Variants in THOC2 observed in about 807,000 individuals in gnomAD.
THOC2 encodes the protein THO complex 2.
Under a neutral mutation model 128.4 loss-of-function variants are expected in THOC2, and 10 were observed. That is an observed-to-expected ratio of 0.08 (90% confidence interval 0.05 to 0.13). The LOEUF is 0.13. THOC2 is among the 10% of genes least tolerant of loss of function. The pLI is 1.00. For synonymous variants in THOC2, 393 were observed against 396.9 expected (o/e 0.99, Z 0.12); for missense variants, 535 against 1,155.7 (o/e 0.46, Z 7.79).
At chrX:123,606,373 C>T (rs950306289) in intron 38 of THOC2, among the ~76,000 whole-genome samples, 3 of 110,674 alleles carry the variant, frequency 2.7e-5, no homozygotes, top group African/African-American at 9.9e-5. Flanking sequence ...GGGCGGTTCA[C>T]TTGAGGTCAG....
intron 5 of THOC2, among the ~76,000 whole-genome samples, chrX:123,697,341 G>A (rs2050486781): frequency 8.9e-6 from 1 of 111,962 alleles, no homozygotes; most frequent in Non-Finnish European, 1.9e-5. Flanking sequence ...TTTACTCTTT[G>A]CTTAACAGTT....
At chrX:123,668,123 AAGAT>A (rs1208928539) in intron 10 of THOC2, 32 bp downstream of exon 10, 1 of 1,005,924 alleles carries the variant, frequency 9.9e-7, no homozygotes, top group Non-Finnish European at 1.3e-6. Flanking sequence ...CAAAATCCAG[AAGAT>A]AGTGTTAATT....
At chrX:123,703,990 C>A (rs1304012321) in intron 3 of THOC2, among the ~76,000 whole-genome samples, 4 of 103,589 alleles carry the variant, frequency 3.9e-5, no homozygotes, top group East Asian at 3.1e-4. Context: ...TATTAAAATT[C>A]TTCAAGTAAA....
At chrX:123,603,349 TAGG>T (rs2046354428) in intron 38 of THOC2, 2 of 266,950 alleles carry the variant, frequency 7.5e-6, no homozygotes, top group Admixed American at 1.3e-4. Flanking sequence ...GTCAAAAGTA[TAGG>T]AGTTCACACA....
At chrX:123,715,497 A>T (rs2051366587) in intron 1 of THOC2, among the ~76,000 whole-genome samples, 1 of 110,925 alleles carries the variant, frequency 9.0e-6, no homozygotes. Flanking sequence ...AGAAAAAAAA[A>T]TCAGCCAGGT....
In THOC2 at chrX:123,614,122, A is replaced by G. The variant is rs1474623429; in HGVS notation, c.4379T>C (p.Leu1460Ser). The change falls in exon 34 of 39, where the codon TTG becomes TCG. Residue 1460 changes from leucine (L) to serine (S), a missense_variant. Leu to Ser is a moderately radical substitution (Grantham distance 145). Transcript: ENST00000245838. ...SKEREMDKKD[L>S]DKSRERSRER... ...TCTGGATCTTTCCCTTGACTTGTCC[A>G]AATCTTTCTTGTCCATTTCTCTCTC... 1 of 1,203,300 alleles carries G rather than the reference A, an allele frequency of 8.3e-7. No homozygotes were observed. The highest frequency in any genetic ancestry group is 1.1e-6 in the Non-Finnish European group (1 of 890,423).
intron 31 of THOC2, 31 bp from the exon 32 acceptor site, chrX:123,620,996 A>G: frequency 3.3e-6 from 4 of 1,196,969 alleles, no homozygotes; most frequent in Non-Finnish European, 4.5e-6. Context: ...AGTCAGAATA[A>G]GGTACATTTC....
At chrX:123,722,981 C>T (rs2051772229) in intron 1 of THOC2, among the ~76,000 whole-genome samples, 1 of 111,403 alleles carries the variant, frequency 9.0e-6, no homozygotes, top group Non-Finnish European at 1.9e-5. Context: ...GAGTTCAAGA[C>T]CAGCCTGCCC....
Position 123,639,064 on chromosome X carries a change from G to A in THOC2, c.1747-37C>T, listed in dbSNP as rs1314846444. On this transcript the variant is annotated intron_variant, in intron 16 of 38. Transcript: ENST00000245838. ...CAACAAACAATAGAAGGCATTAACTGATCAAAGGATTTCTACTGTGCCAAC... is the reference window on the plus strand; with the variant it reads ...CAACAAACAATAGAAGGCATTAACTAATCAAAGGATTTCTACTGTGCCAAC... The A allele has an allele frequency of 2.3e-5, 17 of 752,310 alleles. No homozygotes were observed. In the East Asian group the frequency reaches 5.4e-4, roughly 24 times the overall value. The allele number at this position is 752,310 out of a possible 1,213,427, so 62.0% of individuals were successfully genotyped here. A position where few individuals can be genotyped will look rare whatever the true frequency, so the allele number is the denominator to read the frequency against.
intron 22 of THOC2, 66 bp from the exon 23 acceptor site, chrX:123,628,034 C>A: frequency 2.2e-6 from 2 of 900,713 alleles, no homozygotes; most frequent in Non-Finnish European, 3.1e-6. Flanking sequence ...CTTTGACTTT[C>A]ATGGCATAAA....
chrX:123,640,633 A>G lies in THOC2; in HGVS notation c.1662-11T>C. The stretch of plus-strand genomic sequence containing the variant: ...TCCTTGGTTAGGCGCCTACGGAGGA[A>G]GAAAAAGGTGGCACGGATCATCTTA... On this transcript the variant is annotated splice_polypyrimidine_tract_variant and intron_variant, in intron 15 of 38. Coordinates refer to ENST00000245838, the MANE Select transcript of THOC2 (RefSeq NM_001081550.2). 9.3e-7 allele frequency: 1 copy of G among 1,076,701 alleles called. No individual in the cohort carries two copies. Among genetic ancestry groups the G allele is most frequent in the Non-Finnish European group, 1.3e-6 (1 of 789,461 alleles). The allele number at this position is 1,076,701 out of a possible 1,213,427, so 88.7% of individuals were successfully genotyped here.
chrX:123,715,549 A>C (rs955343324), intron 1 of THOC2, among the ~76,000 whole-genome samples: 4 of 109,671 alleles, frequency 3.6e-5, no homozygotes, highest in Non-Finnish European at 7.6e-5. Context: ...TGAGAGGCTG[A>C]GGCGGGCAGA....
At chrX:123,719,324 C>G (rs953052348) in intron 1 of THOC2, among the ~76,000 whole-genome samples, 1 of 110,138 alleles carries the variant, frequency 9.1e-6, no homozygotes, top group African/African-American at 3.3e-5. Flanking sequence ...CAAATTAAAA[C>G]TACAATGAGA....
chrX:123,670,945 C>G (rs5958284), intron 9 of THOC2, among the ~76,000 whole-genome samples: 1 of 110,664 alleles, frequency 9.0e-6, no homozygotes, highest in Admixed American at 9.6e-5. Flanking sequence ...ATAAAGTGAT[C>G]TCAAAGGCAG....
chrX:123,692,017 G>A (rs755244456), intron 7 of THOC2, among the ~76,000 whole-genome samples: 2 of 111,857 alleles, frequency 1.8e-5, no homozygotes, highest in African/African-American at 6.5e-5. Context: ...CCACAAAGCC[G>A]AAAAATATTT....
chrX:123,731,017 A>G (rs748222319), intron 1 of THOC2, among the ~76,000 whole-genome samples: 6 of 112,773 alleles, frequency 5.3e-5, no homozygotes, highest in African/African-American at 1.9e-4. Context: ...CTACAAACAT[A>G]ACAGCCCCTA....
intron 36 of THOC2, 90 bp downstream of exon 36, chrX:123,613,309 A>C: frequency 1.1e-6 from 1 of 926,771 alleles, no homozygotes; most frequent in Non-Finnish European, 1.5e-6. Flanking sequence ...AAAAGACTAT[A>C]GGACTAGGAA....
At chrX:123,671,049 T>C (rs1000497941) in intron 9 of THOC2, among the ~76,000 whole-genome samples, 1 of 111,920 alleles carries the variant, frequency 8.9e-6, no homozygotes, top group Non-Finnish European at 1.9e-5. Flanking sequence ...ACTATTAGCC[T>C]AGATTCTGAA....
At chrX:123,665,858 A>C (rs371869471) in intron 11 of THOC2, 21 bp from the exon 12 acceptor site, 49 of 923,997 alleles carry the variant, frequency 5.3e-5, no homozygotes, top group Non-Finnish European at 7.0e-5. Context: ...AAGTAAAATA[A>C]ATAAATAAAC....
Sources: allele counts gnomAD v4.1 joint callset (sites outside exome capture counted in the v4.1 genomes callset), GRCh38; gene constraint gnomAD v4.1.1; transcripts MANE v1.5; gene names NCBI Gene and HGNC (gene_info 2026-07-23, HGNC 2026-07-21).